The following NIPAL2 variants were observed in gnomAD, a reference collection of about 807,000 sequenced individuals.
NIPAL2 encodes NIPA like domain containing 2.
In NIPAL2, 43 loss-of-function variants were observed where a neutral mutation model predicts 48.9. The ratio of observed to expected loss-of-function variants is 0.88; its 90% CI spans 0.69 to 1.13. The LOEUF is 1.13. NIPAL2 is among the 50% of genes most tolerant of loss of function. The probability of loss-of-function intolerance (pLI) is 0.00; values close to 1 mark genes in which losing one functional copy is unlikely to be tolerated. For synonymous variants in NIPAL2, 167 were observed against 174.6 expected (o/e 0.96, Z 0.34); for missense variants, 446 against 461.4 (o/e 0.97, Z 0.31).
chr8:98,266,716 T>G (rs1159472941), intron 1 of NIPAL2, among the ~76,000 whole-genome samples: 1 of 151,744 alleles, frequency 6.6e-6, no homozygotes, highest in Non-Finnish European at 1.5e-5. Flanking sequence ...AAATTCACCA[T>G]TACACATGCG....
At chr8:98,229,655 C>T (rs996674392) in intron 4 of NIPAL2, among the ~76,000 whole-genome samples, 6 of 152,140 alleles carry the variant, frequency 3.9e-5, no homozygotes, top group Non-Finnish European at 4.4e-5. Flanking sequence ...TGGAATTACA[C>T]GTGTGAGCCA....
At chr8:98,255,970 A>G (rs920587489) in intron 1 of NIPAL2, among the ~76,000 whole-genome samples, 42 of 152,310 alleles carry the variant, frequency 2.8e-4, no homozygotes, top group African/African-American at 7.7e-4. Context: ...ACACCAAAGC[A>G]TAGGCATTGA....
intron 1 of NIPAL2, among the ~76,000 whole-genome samples, chr8:98,285,014 C>T (rs143743571): frequency 1.5e-3 from 234 of 152,210 alleles, no homozygotes; most frequent in African/African-American, 5.4e-3. Flanking sequence ...ATATTTAGAA[C>T]TTGGAAATAG....
At chr8:98,237,069 T>C (rs747313007) in intron 3 of NIPAL2, among the ~76,000 whole-genome samples, 38 of 152,050 alleles carry the variant, frequency 2.5e-4, no homozygotes, top group Non-Finnish European at 4.3e-4. Context: ...TCTATTTTTT[T>C]CTTTTTTTTG....
chr8:98,206,259 A>C (rs1292707133), intron 6 of NIPAL2, among the ~76,000 whole-genome samples: 2 of 152,072 alleles, frequency 1.3e-5, no homozygotes, highest in African/African-American at 4.8e-5. Context: ...CTTGGTCATA[A>C]TATATCTGAG....
intron 6 of NIPAL2, among the ~76,000 whole-genome samples, chr8:98,211,733 A>AGTGTGTGT (rs1156409051): frequency 0.16 from 17,363 of 109,016 alleles, 1,742 homozygotes; most frequent in Middle Eastern, 0.27. Context: ...AGAGAGAGAA[A>AGTGTGTGT]GTGTGTGTGT....
intron 9 of NIPAL2, among the ~76,000 whole-genome samples, chr8:98,195,498 C>T (rs1434871052): frequency 2.0e-5 from 3 of 152,188 alleles, no homozygotes; most frequent in East Asian, 1.9e-4. Flanking sequence ...ACACTCTTAA[C>T]ACAAGAAAGG....
chr8:98,285,536 A>G (rs1035893996), intron 1 of NIPAL2, among the ~76,000 whole-genome samples: 3 of 152,168 alleles, frequency 2.0e-5, no homozygotes, highest in Non-Finnish European at 4.4e-5. Flanking sequence ...TAGAGGGGCG[A>G]GCCTGCTAAA....
At chr8:98,286,557 C>G (rs952643093) in intron 1 of NIPAL2, among the ~76,000 whole-genome samples, 1 of 152,038 alleles carries the variant, frequency 6.6e-6, no homozygotes, top group Non-Finnish European at 1.5e-5. Flanking sequence ...ACCTGTAATC[C>G]CAGCACTTTG....
At chr8:98,217,880 T>G (rs1586328728) in intron 5 of NIPAL2, among the ~76,000 whole-genome samples, 1 of 152,344 alleles carries the variant, frequency 6.6e-6, no homozygotes, top group South Asian at 2.1e-4. Flanking sequence ...CTCCCAGAAC[T>G]GTAAAATTCC....
intron 6 of NIPAL2, among the ~76,000 whole-genome samples, chr8:98,209,445 C>CAAAAAAAAAAAAAAAAA (rs33923448): frequency 2.8e-5 from 2 of 70,512 alleles, no homozygotes; most frequent in African/African-American, 6.2e-5. Flanking sequence ...CCTGTCTCTC[C>CAAAAAAAAAAAAAAAAA]AAAAAAAAAA....
intron 6 of NIPAL2, among the ~76,000 whole-genome samples, chr8:98,209,090 A>G (rs1293232856): frequency 6.6e-6 from 1 of 152,180 alleles, no homozygotes; most frequent in East Asian, 1.9e-4. Flanking sequence ...GATGAACTAT[A>G]TTAATGAATT....
chr8:98,286,812 CA>C (rs1182876107), intron 1 of NIPAL2, among the ~76,000 whole-genome samples: 942 of 57,866 alleles, frequency 0.016, 7 homozygotes, highest in African/African-American at 0.044. Context: ...GAGACTCTGT[CA>C]AAAAAAAAAA....
chr8:98,280,788 A>G (rs946087391), intron 1 of NIPAL2, among the ~76,000 whole-genome samples: 1 of 142,738 alleles, frequency 7.0e-6, no homozygotes, highest in South Asian at 2.3e-4. Flanking sequence ...AGAGAGAGAG[A>G]GAGAAAGCGA....
chr8:98,246,361 A>T (rs1489012582), intron 3 of NIPAL2, among the ~76,000 whole-genome samples: 4 of 152,184 alleles, frequency 2.6e-5, no homozygotes, highest in African/African-American at 9.7e-5. Flanking sequence ...AAAATTAGAG[A>T]TGGAAAAGAC....
intron 1 of NIPAL2, among the ~76,000 whole-genome samples, chr8:98,273,835 C>G (rs1048944246): frequency 6.6e-5 from 10 of 152,150 alleles, no homozygotes; most frequent in African/African-American, 1.9e-4. Context: ...ATACATTTCC[C>G]TCTAAGTACA....
chr8:98,241,964 C>T (rs1369430180), intron 3 of NIPAL2, among the ~76,000 whole-genome samples: 1 of 152,016 alleles, frequency 6.6e-6, no homozygotes, highest in Non-Finnish European at 1.5e-5. Flanking sequence ...AGGCACTAGA[C>T]CACAATGGCC....
At chr8:98,289,379 A>G (rs1816370251) in intron 1 of NIPAL2, among the ~76,000 whole-genome samples, 1 of 152,202 alleles carries the variant, frequency 6.6e-6, no homozygotes, top group South Asian at 2.1e-4. Context: ...CTAGTCTGCC[A>G]CATATACAAG....
At chr8:98,266,776 T>C in intron 1 of NIPAL2, among the ~76,000 whole-genome samples, 1 of 147,898 alleles carries the variant, frequency 6.8e-6, no homozygotes, top group Non-Finnish European at 1.5e-5. Flanking sequence ...ATGTAAATGC[T>C]AAAAAAAAAA....
Sources: gnomAD v4.1 joint callset for allele counts (sites outside exome capture counted in the v4.1 genomes callset) on GRCh38, gnomAD v4.1.1 for gene constraint, MANE v1.5 for transcripts, NCBI Gene and HGNC (gene_info 2026-07-23, HGNC 2026-07-21) for gene names.